Variants in AGPAT2 observed in about 807,000 individuals in gnomAD.
AGPAT2 encodes the protein 1-acyl-sn-glycerol-3-phosphate acyltransferase beta.
In AGPAT2, 18 loss-of-function variants were observed where a neutral mutation model predicts 26.1. The ratio of observed to expected loss-of-function variants is 0.69; its 90% confidence interval spans 0.48 to 1.02. The LOEUF (loss-of-function observed/expected upper bound fraction) is 1.02, where lower values mean the gene tolerates loss of function less well. AGPAT2 is among the 50% of genes least tolerant of loss of function. AGPAT2 has a pLI of 0.00. For synonymous variants in AGPAT2, 200 were observed against 174.2 expected (o/e 1.15, Z -1.16); for missense variants, 415 against 394.9 (o/e 1.05, Z -0.43).
At chr9:136,685,412 G>A (rs1254912873) in intron 1 of AGPAT2, among the ~76,000 whole-genome samples, 2 of 152,346 alleles carry the variant, frequency 1.3e-5, no homozygotes, top group East Asian at 3.9e-4. Flanking sequence ...GGCAGCAGGT[G>A]AACTGTGATT....
At position 136,673,749 on chromosome 9, in the gene AGPAT2, G is replaced by T. The variant is rs1846043918; in HGVS notation, c.*3C>A. The T allele has an allele frequency of 6.3e-7, 1 of 1,583,922 alleles. No individual in the cohort carries two copies. ...CCCAGGTCATGCCCTGCCGTGGTCT[G>T]GGCTACTGGGCCGGCTGCACGCCAG... On this transcript the variant is annotated 3_prime_UTR_variant, in exon 6 of 6. Transcript: ENST00000371696.
rs775264169 is a variant in AGPAT2, at chr9:136,676,688, G to GATCTGC, written c.493-9_493-8insGCAGAT. The GATCTGC allele has an allele frequency of 1.9e-6, 3 of 1,612,784 alleles. No homozygotes were observed. The highest frequency in any genetic ancestry group is 2.5e-6 in the Non-Finnish European group (3 of 1,179,388). On this transcript the variant is annotated splice_polypyrimidine_tract_variant and intron_variant, in intron 3 of 5. Transcript: ENST00000371696. ...ATAGATCCACACTTTGAGCTGCAGGGAGAGGAGAGCCTGGACTGACCTCAC... is the reference window on the plus strand; with the variant it reads ...ATAGATCCACACTTTGAGCTGCAGGGATCTGCAGAGGAGAGCCTGGACTGACCTCAC...
chr9:136,686,941 G>A (rs746006953), intron 1 of AGPAT2, among the ~76,000 whole-genome samples: 3 of 152,198 alleles, frequency 2.0e-5, no homozygotes, highest in Non-Finnish European at 2.9e-5. Flanking sequence ...CCCGGGGCCA[G>A]GGCGGGGGGT....
At chr9:136,683,197 A>T (rs932670587) in intron 1 of AGPAT2, among the ~76,000 whole-genome samples, 12 of 152,098 alleles carry the variant, frequency 7.9e-5, no homozygotes, top group African/African-American at 2.9e-4. Flanking sequence ...CAACCTGGGC[A>T]ACAGAGCGAG....
Position 136,676,663 on chromosome 9 carries a change from A to G in AGPAT2, c.510T>C (p.Tyr170=). 1.2e-6 allele frequency: 2 copies of G among 1,613,424 alleles called. No individual in the cohort carries two copies. The highest frequency in any genetic ancestry group is 1.7e-6 in the Non-Finnish European group (2 of 1,179,840). ...CATTGTCGTTGCGAGTACCCTCGGG[A>G]TAGATCCACACTTTGAGCTGCAGGG... ...MVRENLKVWI[Y]PEGTRNDNGD... The change falls in exon 4 of 6, where the codon TAT becomes TAC. Residue 170 remains tyrosine (Y), a synonymous_variant. Coordinates refer to ENST00000371696, the MANE Select transcript of AGPAT2 (RefSeq NM_006412.4).
chr9:136,686,715 G>T (rs1345943874), intron 1 of AGPAT2, among the ~76,000 whole-genome samples: 1 of 148,472 alleles, frequency 6.7e-6, no homozygotes, highest in Non-Finnish European at 1.5e-5. Context: ...GGAGGGGGTC[G>T]GAGGGAGGCC....
chr9:136,673,996 C>G lies in AGPAT2; in HGVS notation c.662-69G>C, dbSNP rs1057084115. On this transcript the variant is annotated intron_variant, in intron 5 of 5. Transcript: ENST00000371696. ...GGCCCACCTCAGCCTGCTGCCCTGG[C>G]CTCGCCTCTCCCCAGCCCCCCACAG... 6.5e-6 allele frequency: 9 copies of G among 1,390,602 alleles called. No individual in the cohort carries two copies. The East Asian group carries it at 2.0e-4, about 31-fold the overall frequency. The allele number at this position is 1,390,602 out of a possible 1,614,324, so 86.1% of individuals were successfully genotyped here.
rs370809970 is a variant in AGPAT2 at position 136,673,791 on chromosome 9, G to C, written c.798C>G (p.Asn266Lys). Residue 266 changes from asparagine (N) to lysine (K), a missense_variant, in exon 6 of 6, where the codon AAC becomes AAG. Asn to Lys is a moderately conservative substitution (Grantham distance 94, BLOSUM62 0). Transcript: ENST00000371696. ...FLHISKTPQE[N>K]GATAGSGVQP... ...GCACGCCAGACCCCGCAGTGGCCCCGTTCTCCTGGGGGGTCTTGGAGATGT... is the reference window on the plus strand; with the variant it reads ...GCACGCCAGACCCCGCAGTGGCCCCCTTCTCCTGGGGGGTCTTGGAGATGT... 6.2e-7 allele frequency: 1 copy of C among 1,604,380 alleles called. No individual in the cohort carries two copies. The highest frequency in any genetic ancestry group is 8.5e-7 in the Non-Finnish European group (1 of 1,177,072).
chr9:136,685,637 A>G (rs923208391), intron 1 of AGPAT2, among the ~76,000 whole-genome samples: 4 of 152,170 alleles, frequency 2.6e-5, no homozygotes, highest in African/African-American at 9.7e-5. Flanking sequence ...CACGCCCAGC[A>G]CAGGATGCCC....
rs781019046 is a variant in AGPAT2 at position 136,676,538 on chromosome 9, C to T, written c.588+47G>A. ...CTGCTGCCTTAAGCCAGCCTGACCCCGCCTCCCCAGCCTGCACCCACCCAG... is the reference window on the plus strand; with the variant it reads ...CTGCTGCCTTAAGCCAGCCTGACCCTGCCTCCCCAGCCTGCACCCACCCAG... On this transcript the variant is annotated intron_variant, in intron 4 of 5. Coordinates refer to ENST00000371696, the MANE Select transcript of AGPAT2 (RefSeq NM_006412.4). 18 of 1,525,360 alleles carry T rather than the reference C, an allele frequency of 1.2e-5. No individual in the cohort carries two copies. In the East Asian group the frequency reaches 2.5e-4, roughly 21 times the overall value. The allele number at this position is 1,525,360 out of a possible 1,614,324, so 94.5% of individuals were successfully genotyped here.
At chr9:136,677,188 G>A (rs1846103852) in intron 2 of AGPAT2, 52 bp from the exon 3 acceptor site, 2 of 1,598,636 alleles carry the variant, frequency 1.3e-6, no homozygotes, top group Admixed American at 1.7e-5. Context: ...AGCGTGCGCT[G>A]GAAGACAGCT....
At chr9:136,687,052 C>T (rs1846230823) in intron 1 of AGPAT2, 124 bp downstream of exon 1, 2 of 1,170,130 alleles carry the variant, frequency 1.7e-6, no homozygotes, top group African/African-American at 1.6e-5. Flanking sequence ...CAGGCGCGCT[C>T]TCCCCGGAGC....
intron 1 of AGPAT2, among the ~76,000 whole-genome samples, chr9:136,684,863 G>A (rs1846202829): frequency 6.6e-6 from 1 of 152,200 alleles, no homozygotes; most frequent in African/African-American, 2.4e-5. Flanking sequence ...GTGGCGTACA[G>A]CAGGAACAGA....
Position 136,673,389 on chromosome 9 carries a change from A to ACCTGAG in AGPAT2, c.*362_*363insCTCAGG, listed in dbSNP as rs1429342966. 1 of 186,728 alleles carries ACCTGAG rather than the reference A, an allele frequency of 5.4e-6. No individual in the cohort carries two copies. Among genetic ancestry groups the ACCTGAG allele is most frequent in the African/African-American group, 2.3e-5 (1 of 42,838 alleles). The allele number at this position is 186,728 out of a possible 1,614,324, so 11.6% of individuals were successfully genotyped here. ...CCAGGCGGCTGAGCAGAGGGCTCGG[A>ACCTGAG]CAGTGTGCGTCTGGCCTCGGGGTCC... On this transcript the variant is annotated 3_prime_UTR_variant, in exon 6 of 6. Coordinates refer to ENST00000371696, the MANE Select transcript of AGPAT2 (RefSeq NM_006412.4).
chr9:136,682,946 C>T (rs1734592648), intron 1 of AGPAT2, among the ~76,000 whole-genome samples: 2 of 152,066 alleles, frequency 1.3e-5, no homozygotes, highest in African/African-American at 4.8e-5. Context: ...AGCATTTGAC[C>T]TCCCAGGCTC....
intron 1 of AGPAT2, among the ~76,000 whole-genome samples, chr9:136,686,251 C>T (rs557639123): frequency 6.6e-6 from 1 of 152,382 alleles, no homozygotes; most frequent in Non-Finnish European, 1.5e-5. Context: ...GGAAGGGGGC[C>T]TCTGGGGCCA....
At chr9:136,680,158 G>T (rs927485947) in intron 1 of AGPAT2, among the ~76,000 whole-genome samples, 1 of 152,202 alleles carries the variant, frequency 6.6e-6, no homozygotes, top group Non-Finnish European at 1.5e-5. Flanking sequence ...CTGCCTGCAG[G>T]AGGCTCGGGC....
intron 1 of AGPAT2, among the ~76,000 whole-genome samples, chr9:136,678,516 CA>C (rs1428359244): frequency 1.3e-5 from 2 of 152,184 alleles, no homozygotes; most frequent in African/African-American, 4.8e-5. Flanking sequence ...GAAGCTCCAG[CA>C]GGGGTGGATG....
intron 1 of AGPAT2, among the ~76,000 whole-genome samples, chr9:136,680,687 T>C (rs1264605914): frequency 1.3e-5 from 2 of 152,108 alleles, no homozygotes; most frequent in African/African-American, 4.8e-5. Flanking sequence ...TTTTATTTTT[T>C]TTGAGACGGA....
Sources: gnomAD v4.1 joint callset for allele counts (sites outside exome capture counted in the v4.1 genomes callset) on GRCh38, gnomAD v4.1.1 for gene constraint, MANE v1.5 for transcripts, NCBI Gene and HGNC (gene_info 2026-07-23, HGNC 2026-07-21) for gene names.